Variants in GSG1L observed in about 807,000 individuals in gnomAD.
GSG1L encodes the protein GSG1 like, also known as germ cell-specific gene 1-like protein.
GSG1L carries 24 observed loss-of-function variants against 42.1 expected under a neutral mutation model. That is an observed-to-expected ratio of 0.57 (90% confidence interval 0.41 to 0.80). The LOEUF (loss-of-function observed/expected upper bound fraction) is 0.80. GSG1L is among the 30% of genes least tolerant of loss of function. The probability of loss-of-function intolerance (pLI) is 0.00; values close to 1 mark genes in which losing one functional copy is unlikely to be tolerated. For missense variants in GSG1L, 445 were observed against 472.2 expected (o/e 0.94, Z 0.53); for synonymous variants, 215 against 203.5 (o/e 1.06, Z -0.48).
intron 3 of GSG1L, among the ~76,000 whole-genome samples, chr16:27,865,218 T>C (rs1188160574): frequency 6.6e-6 from 1 of 152,188 alleles, no homozygotes; most frequent in African/African-American, 2.4e-5. Context: ...AATCCCACTG[T>C]GCTCTAGGTC....
At chr16:28,014,928 G>T (rs192382102) in intron 1 of GSG1L, among the ~76,000 whole-genome samples, 1 of 152,334 alleles carries the variant, frequency 6.6e-6, no homozygotes, top group East Asian at 1.9e-4. Context: ...GCTGCTCTCA[G>T]TACTAACCTG....
intron 2 of GSG1L, among the ~76,000 whole-genome samples, chr16:27,949,783 G>A (rs1255624812): frequency 6.6e-6 from 1 of 151,998 alleles, no homozygotes; most frequent in African/African-American, 2.4e-5. Flanking sequence ...AAATTAGCTG[G>A]TTGCGGTGGT....
At chr16:27,978,467 C>T (rs978195578) in intron 1 of GSG1L, among the ~76,000 whole-genome samples, 4 of 151,516 alleles carry the variant, frequency 2.6e-5, no homozygotes, top group African/African-American at 4.9e-5. Context: ...CCAAGGTGGG[C>T]GGATCACGAG....
intron 1 of GSG1L, among the ~76,000 whole-genome samples, chr16:28,009,359 G>A (rs2085687093): frequency 1.3e-5 from 2 of 151,748 alleles, no homozygotes; most frequent in South Asian, 4.2e-4. Flanking sequence ...TTATAAAATA[G>A]CACCCCTGCC....
intron 3 of GSG1L, among the ~76,000 whole-genome samples, chr16:27,847,919 CT>C (rs1190270698): frequency 2.6e-5 from 4 of 152,194 alleles, no homozygotes; most frequent in African/African-American, 9.7e-5. Context: ...AACCTCCTTT[CT>C]TTACAAGTTA....
intron 1 of GSG1L, among the ~76,000 whole-genome samples, chr16:28,007,919 G>A (rs2085664202): frequency 1.3e-5 from 2 of 152,136 alleles, no homozygotes; most frequent in South Asian, 2.1e-4. Flanking sequence ...ACCCTGTATG[G>A]CAGACACACC....
chr16:27,837,329 C>G (rs985889637), intron 4 of GSG1L, among the ~76,000 whole-genome samples: 1 of 151,892 alleles, frequency 6.6e-6, no homozygotes, highest in Admixed American at 6.6e-5. Context: ...TCCCTTGACA[C>G]GTGGGGATTA....
chr16:28,057,902 T>C (rs2086296828), intron 1 of GSG1L, among the ~76,000 whole-genome samples: 2 of 152,210 alleles, frequency 1.3e-5, no homozygotes, highest in Non-Finnish European at 2.9e-5. Context: ...TGATGGGTCA[T>C]GGGACAGGGC....
At chr16:27,941,555 C>T (rs1446521234) in intron 2 of GSG1L, among the ~76,000 whole-genome samples, 3 of 136,682 alleles carry the variant, frequency 2.2e-5, no homozygotes, top group Non-Finnish European at 3.1e-5. Flanking sequence ...GCCTATAATC[C>T]CAGCTACTCA....
intron 3 of GSG1L, among the ~76,000 whole-genome samples, chr16:27,846,826 G>A (rs1567483769): frequency 6.6e-6 from 1 of 151,916 alleles, no homozygotes. Flanking sequence ...GCGTGGTGGT[G>A]GGCACCTGTA....
intron 2 of GSG1L, among the ~76,000 whole-genome samples, chr16:27,936,767 G>A (rs1331948154): frequency 6.6e-6 from 1 of 152,212 alleles, no homozygotes; most frequent in Non-Finnish European, 1.5e-5. Flanking sequence ...AGTAATTGCA[G>A]TGTTTGCCAC....
rs569565936 is a variant in GSG1L, at chr16:27,911,717, C to T, written c.398-27079G>A. 1.9e-3 allele frequency among the ~76,000 whole-genome samples: 294 copies of T among 152,326 alleles called. 1 individual carries two copies. Among genetic ancestry groups the T allele is most frequent in the Non-Finnish European group, 2.4e-3 (165 of 68,034 alleles). ...ATCCTCATGGTTTTGTCCTCCACTC[C>T]TTTGATCTTTGCTCAAATGTCACCT... On this transcript the variant is annotated intron_variant, in intron 2 of 6. Transcript: ENST00000447459.
chr16:28,052,085 A>T (rs2086227753), intron 1 of GSG1L, among the ~76,000 whole-genome samples: 13 of 151,776 alleles, frequency 8.6e-5, no homozygotes, highest in Admixed American at 8.5e-4. Context: ...TGTGAGGATG[A>T]GTGTGTGTTT....
chr16:27,929,903 C>T (rs566816330), intron 2 of GSG1L, among the ~76,000 whole-genome samples: 1 of 152,210 alleles, frequency 6.6e-6, no homozygotes, highest in South Asian at 2.1e-4. Flanking sequence ...ACCTTCCTCT[C>T]CTGCCAGCAT....
intron 1 of GSG1L, among the ~76,000 whole-genome samples, chr16:27,980,901 C>CAAAAAAAA (rs11390148): frequency 2.6e-3 from 325 of 126,036 alleles, no homozygotes; most frequent in East Asian, 4.3e-3. Flanking sequence ...AACCAAAAAA[C>CAAAAAAAA]AAAAAAAAAA....
At chr16:27,893,514 G>A (rs550785469) in intron 2 of GSG1L, among the ~76,000 whole-genome samples, 36 of 152,190 alleles carry the variant, frequency 2.4e-4, no homozygotes, top group Admixed American at 1.9e-3. Context: ...GGAAAGAGTT[G>A]AAGAAAGTTA....
At chr16:27,801,976 G>A (rs557944721) in intron 6 of GSG1L, among the ~76,000 whole-genome samples, 2 of 152,092 alleles carry the variant, frequency 1.3e-5, no homozygotes, top group African/African-American at 2.4e-5. Flanking sequence ...GGCTGTTTCC[G>A]TAATCAAATG....
chr16:27,958,458 T>C (rs1320626137), intron 2 of GSG1L, among the ~76,000 whole-genome samples: 3 of 150,010 alleles, frequency 2.0e-5, no homozygotes, highest in African/African-American at 7.3e-5. Context: ...CATCATGCGA[T>C]AGAATATCCT....
intron 6 of GSG1L, among the ~76,000 whole-genome samples, chr16:27,799,874 T>C (rs2082862799): frequency 6.6e-6 from 1 of 152,216 alleles, no homozygotes; most frequent in African/African-American, 2.4e-5. Flanking sequence ...GACTGGCTTC[T>C]GGCAGTAGCT....
Sources: allele counts gnomAD v4.1 joint callset (sites outside exome capture counted in the v4.1 genomes callset), GRCh38; gene constraint gnomAD v4.1.1; transcripts MANE v1.5; gene names NCBI Gene and HGNC (gene_info 2026-07-23, HGNC 2026-07-21).